TOP3A: variants seen among roughly 807,000 people sequenced by gnomAD.
The protein encoded by TOP3A is DNA topoisomerase III alpha.
In TOP3A, 64 loss-of-function variants were observed where a neutral mutation model predicts 111.3. The ratio of observed to expected loss-of-function variants is 0.57; its 90% confidence interval spans 0.47 to 0.71. The LOEUF (loss-of-function observed/expected upper bound fraction) is 0.71. Among genes scored for constraint, TOP3A ranks in the 30% least tolerant of loss-of-function variants. The probability of loss-of-function intolerance (pLI) is 0.00; values close to 1 mark genes in which losing one functional copy is unlikely to be tolerated. For missense variants in TOP3A, 1,104 were observed against 1,285.0 expected (o/e 0.86, Z 2.15); for synonymous variants, 484 against 485.1 (o/e 1.00, Z 0.03).
chr17:18,283,842 C>T lies in TOP3A; in HGVS notation c.1878-1001G>A, dbSNP rs546739477. ...GGGAAACACTTTACTTATGCTTACCCGTTAATTACAAAGGATCCAGGTGAA... is the reference window on the plus strand; with the variant it reads ...GGGAAACACTTTACTTATGCTTACCTGTTAATTACAAAGGATCCAGGTGAA... On this transcript the variant is annotated intron_variant, in intron 15 of 18. Transcript: ENST00000321105. 8.5e-5 allele frequency among the ~76,000 whole-genome samples: 13 copies of T among 152,272 alleles called. No individual in the cohort carries two copies. The South Asian group carries it at 1.2e-3, about 15-fold the overall frequency.
At position 18,292,867 on chromosome 17, in the gene TOP3A, A is replaced by G; in HGVS notation, c.1074-15T>C. ...AGCTGATGTACCTAAAACCAAGGCA[A>G]ACAAACAGAAAAAGAAATTGCTAGG... On this transcript the variant is annotated splice_polypyrimidine_tract_variant and intron_variant, in intron 10 of 18. Transcript: ENST00000321105. 1 of 1,596,522 alleles carries G rather than the reference A, an allele frequency of 6.3e-7. No individual in the cohort carries two copies. Among genetic ancestry groups the G allele is most frequent in the Non-Finnish European group, 8.6e-7 (1 of 1,169,504 alleles).
chr17:18,292,895 C>T, intron 10 of TOP3A, 43 bp from the exon 11 acceptor site: 3 of 1,562,596 alleles, frequency 1.9e-6, no homozygotes, highest in South Asian at 2.4e-5. Context: ...TTGCTAGGCT[C>T]TCTGATTGGT....
intron 18 of TOP3A, 75 bp downstream of exon 18, chr17:18,277,600 T>C: frequency 6.6e-7 from 1 of 1,518,154 alleles, no homozygotes; most frequent in Non-Finnish European, 8.9e-7. Context: ...CTTGCCTTCT[T>C]TCTGCTGTCC....
intron 9 of TOP3A, among the ~76,000 whole-genome samples, chr17:18,296,262 G>A (rs1980796585): frequency 6.6e-6 from 1 of 152,092 alleles, no homozygotes; most frequent in Non-Finnish European, 1.5e-5. Context: ...TAACCAGGGA[G>A]GACTAAAACA....
intron 17 of TOP3A, among the ~76,000 whole-genome samples, 178 bp from the exon 18 acceptor site, chr17:18,278,535 C>A (rs1007441168): frequency 1.3e-5 from 2 of 152,156 alleles, no homozygotes; most frequent in African/African-American, 4.8e-5. Context: ...CCAGTCATCA[C>A]AGGAGTGGAC....
In TOP3A at chr17:18,292,637, A is replaced by T; in HGVS notation, c.1281+8T>A. ...GTTCCAGCAGGCAGTACATTCAGGG[A>T]AACCAACCTGTAAGTTGTTGGTGTA... On this transcript the variant is annotated splice_region_variant and intron_variant, in intron 11 of 18. Transcript: ENST00000321105. The T allele has an allele frequency of 6.5e-7, 1 of 1,548,298 alleles. No individual in the cohort carries two copies. The highest frequency in any genetic ancestry group is 8.8e-7 in the Non-Finnish European group (1 of 1,142,620).
At position 18,294,900 on chromosome 17, in the gene TOP3A, C is replaced by G. The variant is rs1352487692; in HGVS notation, c.991-115G>C. 3 of 697,230 alleles carry G rather than the reference C, an allele frequency of 4.3e-6. No individual in the cohort carries two copies. The African/African-American group carries it at 5.3e-5, about 12-fold the overall frequency. The allele number at this position is 697,230 out of a possible 1,614,324, so 43.2% of individuals were successfully genotyped here. Reference sequence around the variant, plus strand: ...CCCGTGTCACTCCAGGTGCTTCTGTCAAACAGAGCTGAAAAGGCTGCCCAA... The same window carrying G: ...CCCGTGTCACTCCAGGTGCTTCTGTGAAACAGAGCTGAAAAGGCTGCCCAA... On this transcript the variant is annotated intron_variant, in intron 9 of 18. Coordinates refer to ENST00000321105, the MANE Select transcript of TOP3A (RefSeq NM_004618.5).
intron 16 of TOP3A, among the ~76,000 whole-genome samples, chr17:18,281,271 A>G (rs1979739666): frequency 1.3e-5 from 2 of 152,208 alleles, no homozygotes; most frequent in African/African-American, 4.8e-5. Flanking sequence ...ATGAAGGAAA[A>G]AAAAGCCCCG....
intron 9 of TOP3A, among the ~76,000 whole-genome samples, chr17:18,297,841 C>T (rs1272149487): frequency 3.9e-5 from 6 of 152,200 alleles, no homozygotes; most frequent in Middle Eastern, 3.2e-3. Context: ...TGCCCGGCCG[C>T]CACCCCATCT....
In TOP3A at chr17:18,314,724, G is replaced by C. The variant is rs1204862656; in HGVS notation, c.55C>G (p.Arg19Gly). The C allele has an allele frequency of 6.3e-7, 1 of 1,595,998 alleles. No individual in the cohort carries two copies. ...TCCATGGCGGCGCGGGAAAAGGCAC[G>C]GTCTTCGGGCCGTCGCAGCCACCGG... Reference protein sequence around the residue: ...ALRWLRRPEDRAFSRAAMEMA... With the variant: ...ALRWLRRPEDGAFSRAAMEMA... The change falls in exon 1 of 19, where the codon CGT becomes GGT. Residue 19 changes from arginine (R) to glycine (G), a missense_variant. Coordinates refer to ENST00000321105, the MANE Select transcript of TOP3A (RefSeq NM_004618.5).
chr17:18,297,325 TGAGGCAGGAGAATCACTTGAACCCGG>T (rs1980873152), intron 9 of TOP3A, among the ~76,000 whole-genome samples: 1 of 152,200 alleles, frequency 6.6e-6, no homozygotes, highest in Admixed American at 6.5e-5. Flanking sequence ...CTTGGGAGGC[TGAGGCAGGAGAATCACTTGAACCCGG>T]GAGGCAGAAG....
rs370459618 is a variant in TOP3A at position 18,314,614 on chromosome 17, G to T, written c.165C>A (p.Asn55Lys). The change falls in exon 1 of 19, where the codon AAC becomes AAA. Residue 55 changes from asparagine to lysine, a missense_variant. Coordinates refer to ENST00000321105, the MANE Select transcript of TOP3A (RefSeq NM_004618.5). ...AAKGIADLLSNGRMRRREGLS... is the reference protein window; with the variant it reads ...AAKGIADLLSKGRMRRREGLS... ...GCTTTCTTACCCGCCTCATGCGACC[G>T]TTTGACAGCAGGTCGGCGATCCCCT... is the stretch of plus-strand genomic sequence containing the variant. The T allele has an allele frequency of 1.1e-5, 18 of 1,610,624 alleles. No homozygotes were observed. Among genetic ancestry groups the T allele is most frequent in the Non-Finnish European group, 1.5e-5 (18 of 1,178,288 alleles).
chr17:18,277,243 C>CG (rs969909353), intron 18 of TOP3A, among the ~76,000 whole-genome samples: 2 of 150,962 alleles, frequency 1.3e-5, no homozygotes, highest in Admixed American at 1.3e-4. Context: ...CCAAGGGTCA[C>CG]GACAGCTGCA....
In TOP3A at chr17:18,274,657, T is replaced by G. The variant is rs1410395714; in HGVS notation, c.*145A>C. 5.8e-6 allele frequency: 8 copies of G among 1,381,248 alleles called. No individual in the cohort carries two copies. In the East Asian group the frequency reaches 1.7e-4, roughly 30 times the overall value. The allele number at this position is 1,381,248 out of a possible 1,614,324, so 85.6% of individuals were successfully genotyped here. A position where few individuals can be genotyped will look rare whatever the true frequency, so the allele number is the denominator to read the frequency against. On this transcript the variant is annotated 3_prime_UTR_variant, in exon 19 of 19. Coordinates refer to ENST00000321105, the MANE Select transcript of TOP3A (RefSeq NM_004618.5). ...CAGAGTGATCTGGACCTTGTGCCCC[T>G]TAACACAAGAAGGCCCGACTCCAAA...
At position 18,299,554 on chromosome 17, in the gene TOP3A, C is replaced by T; in HGVS notation, c.990+5G>A. ...AGTGCCTGAAACAGCCTGTCTGGAACATACCACAGTGTCCAAGGCTTGAGG... is the reference window on the plus strand; with the variant it reads ...AGTGCCTGAAACAGCCTGTCTGGAATATACCACAGTGTCCAAGGCTTGAGG... On this transcript the variant is annotated splice_donor_5th_base_variant and intron_variant, in intron 9 of 18. Coordinates refer to ENST00000321105, the MANE Select transcript of TOP3A (RefSeq NM_004618.5). The T allele has an allele frequency of 6.2e-7, 1 of 1,613,938 alleles. No homozygotes were observed. Among genetic ancestry groups the T allele is most frequent in the Non-Finnish European group, 8.5e-7 (1 of 1,179,822 alleles).
chr17:18,297,947 T>C (rs371771006), intron 9 of TOP3A, among the ~76,000 whole-genome samples: 1 of 148,026 alleles, frequency 6.8e-6, no homozygotes, highest in Non-Finnish European at 1.5e-5. Flanking sequence ...GGAGCGTCTC[T>C]GCCCGGCCGC....
At position 18,273,402 on chromosome 17, in the gene TOP3A, C is replaced by G. The variant is rs1446906684; in HGVS notation, c.*1400G>C. On this transcript the variant is annotated 3_prime_UTR_variant, in exon 19 of 19. Transcript: ENST00000321105. ...GAACCTTTCATTAGACATCTCTGCTCTGAGGGACCATCTGTGGGGTGAGAA... is the reference window on the plus strand; with the variant it reads ...GAACCTTTCATTAGACATCTCTGCTGTGAGGGACCATCTGTGGGGTGAGAA... The G allele has an allele frequency of 3.3e-5, 5 of 152,224 alleles. No homozygotes were observed. The highest frequency in any genetic ancestry group is 1.2e-4 in the African/African-American group (5 of 41,452). The allele number at this position is 152,224 out of a possible 1,614,324, so 9.4% of individuals were successfully genotyped here.
chr17:18,280,168 AT>A (rs1979666469), intron 17 of TOP3A: 1 of 86,258 alleles, frequency 1.2e-5, no homozygotes, highest in Non-Finnish European at 2.3e-5. Context: ...TTTTTTTTAA[AT>A]AAAAATTTTT....
In TOP3A at chr17:18,274,846, G is replaced by A. The variant is rs2142924345; in HGVS notation, c.2962C>T (p.His988Tyr). 3 of 1,614,180 alleles carry A rather than the reference G, an allele frequency of 1.9e-6. No homozygotes were observed. Among genetic ancestry groups the A allele is most frequent in the Middle Eastern group, 3.3e-4 (2 of 6,062 alleles). ...AAGGGACGGGTGTGTCCAGGCTGGT[G>A]GCAAAGGCTGCATTTCCGGGGTTTC... The part of the protein sequence containing the change: ...AKKPRKCSLC[H>Y]QPGHTRPFCP... The change falls in exon 19 of 19, where the codon CAC becomes TAC. Residue 988 changes from histidine to tyrosine, a missense_variant. Physicochemically the swap from His to Tyr is moderately conservative, Grantham distance 83. Transcript: ENST00000321105.
Sources: gnomAD v4.1 joint callset for allele counts (sites outside exome capture counted in the v4.1 genomes callset) on GRCh38, gnomAD v4.1.1 for gene constraint, MANE v1.5 for transcripts, NCBI Gene and HGNC (gene_info 2026-07-23, HGNC 2026-07-21) for gene names.